MGAT4C: variants seen among roughly 807,000 people sequenced by gnomAD.
MGAT4C encodes MGAT4 family member C, also known as alpha-1,3-mannosyl-glycoprotein 4-beta-N-acetylglucosaminyltransferase C.
Under a neutral mutation model 40.1 loss-of-function variants are expected in MGAT4C, and 19 were observed. The observed-to-expected ratio is 0.47, with a 90% confidence interval of 0.33 to 0.70. The LOEUF (loss-of-function observed/expected upper bound fraction) is 0.70, where lower values mean the gene tolerates loss of function less well. MGAT4C is among the 30% of genes least tolerant of loss of function. The pLI is 0.02. For missense variants in MGAT4C, 491 were observed against 563.2 expected (o/e 0.87, Z 1.30); for synonymous variants, 181 against 187.1 (o/e 0.97, Z 0.27).
chr12:86,274,346 T>C (rs529676482), intron 4 of MGAT4C, among the ~76,000 whole-genome samples: 20 of 152,306 alleles, frequency 1.3e-4, no homozygotes, highest in African/African-American at 4.3e-4. Flanking sequence ...AAAGACACTC[T>C]AGTCTTTAAA....
intron 3 of MGAT4C, among the ~76,000 whole-genome samples, chr12:86,356,549 G>A (rs144706301): frequency 8.9e-4 from 136 of 152,210 alleles, no homozygotes; most frequent in South Asian, 5.6e-3. Context: ...AGCACAAGGC[G>A]TCTGGGAATT....
intron 2 of MGAT4C, among the ~76,000 whole-genome samples, chr12:86,558,918 A>G (rs1429587059): frequency 6.6e-6 from 1 of 152,000 alleles, no homozygotes. Flanking sequence ...ACTTAAAAAT[A>G]TAAACAGAAT....
At chr12:86,459,694 G>A (rs1260553879) in intron 2 of MGAT4C, among the ~76,000 whole-genome samples, 2 of 42,082 alleles carry the variant, frequency 4.8e-5, no homozygotes, top group East Asian at 1.4e-3. Context: ...AGCTTTACCC[G>A]CCCCGCCCCC....
chr12:86,274,826 T>G (rs1163445036), intron 4 of MGAT4C, among the ~76,000 whole-genome samples: 2 of 152,298 alleles, frequency 1.3e-5, no homozygotes, highest in Admixed American at 1.3e-4. Context: ...GAAGCAGGCT[T>G]GAAAGTCAAT....
intron 2 of MGAT4C, among the ~76,000 whole-genome samples, chr12:86,025,144 TA>T (rs1890133227): frequency 6.6e-6 from 1 of 151,714 alleles, no homozygotes; most frequent in South Asian, 2.1e-4. Context: ...ATATAATTTT[TA>T]TACCAATATT....
chr12:86,638,690 T>A (rs1044267274), intron 2 of MGAT4C, among the ~76,000 whole-genome samples: 2 of 151,828 alleles, frequency 1.3e-5, no homozygotes, highest in African/African-American at 4.8e-5. Flanking sequence ...GACTAGTGAC[T>A]GATATACAAG....
chr12:86,489,597 A>C (rs1958091991), intron 2 of MGAT4C, among the ~76,000 whole-genome samples: 1 of 152,174 alleles, frequency 6.6e-6, no homozygotes, highest in Non-Finnish European at 1.5e-5. Context: ...AGGCACCCTG[A>C]CCTGGATGCT....
intron 2 of MGAT4C, among the ~76,000 whole-genome samples, chr12:86,636,945 A>C (rs1363371086): frequency 6.6e-6 from 1 of 151,924 alleles, no homozygotes; most frequent in Non-Finnish European, 1.5e-5. Context: ...ATTTCAACAT[A>C]GTAATTTGTT....
chr12:86,735,937 A>G (rs1950979046), intron 1 of MGAT4C, among the ~76,000 whole-genome samples: 1 of 151,866 alleles, frequency 6.6e-6, no homozygotes, highest in Admixed American at 6.6e-5. Flanking sequence ...GTTTTTACCC[A>G]AAGTGGGTAA....
intron 2 of MGAT4C, among the ~76,000 whole-genome samples, chr12:86,037,018 G>C (rs1029778791): frequency 6.7e-6 from 1 of 150,052 alleles, no homozygotes; most frequent in Non-Finnish European, 1.5e-5. Flanking sequence ...TTAGTATTGG[G>C]AGGGTGTATG....
chr12:86,184,019 T>A (rs1397481716), intron 1 of MGAT4C, among the ~76,000 whole-genome samples: 1 of 152,226 alleles, frequency 6.6e-6, no homozygotes, highest in Non-Finnish European at 1.5e-5. Flanking sequence ...GTATTCCATG[T>A]GTATATTCAT....
At chr12:86,575,161 T>C (rs1366626479) in intron 2 of MGAT4C, among the ~76,000 whole-genome samples, 2 of 151,778 alleles carry the variant, frequency 1.3e-5, no homozygotes, top group Non-Finnish European at 3.0e-5. Context: ...TTAGCTTCCT[T>C]GCCCTTCTTC....
intron 2 of MGAT4C, among the ~76,000 whole-genome samples, chr12:86,607,251 A>G (rs2136469165): frequency 6.6e-6 from 1 of 152,156 alleles, no homozygotes; most frequent in South Asian, 2.1e-4. Context: ...AGAAACTAAT[A>G]TTTTAAAACT....
At chr12:86,628,793 T>C (rs1008376729) in intron 2 of MGAT4C, among the ~76,000 whole-genome samples, 1 of 152,062 alleles carries the variant, frequency 6.6e-6, no homozygotes, top group African/African-American at 2.4e-5. Context: ...TGCAAAAACA[T>C]GCCAAATTGT....
At chr12:86,470,251 G>T (rs955099738) in intron 2 of MGAT4C, among the ~76,000 whole-genome samples, 1 of 152,144 alleles carries the variant, frequency 6.6e-6, no homozygotes, top group Non-Finnish European at 1.5e-5. Context: ...GTGAAGAAAA[G>T]AAGTCTTCCA....
chr12:86,721,305 T>A (rs1046391010), intron 2 of MGAT4C, among the ~76,000 whole-genome samples: 4 of 151,946 alleles, frequency 2.6e-5, no homozygotes, highest in African/African-American at 9.7e-5. Flanking sequence ...TAGTCAAGGC[T>A]TGGGTGCATT....
chr12:86,053,475 A>G (rs1893088432), intron 1 of MGAT4C, among the ~76,000 whole-genome samples: 1 of 151,906 alleles, frequency 6.6e-6, no homozygotes, highest in Admixed American at 6.6e-5. Context: ...CCCCCTTTCC[A>G]AGACATAAAC....
chr12:86,394,928 T>C (rs1956230315), intron 3 of MGAT4C, among the ~76,000 whole-genome samples: 1 of 152,008 alleles, frequency 6.6e-6, no homozygotes, highest in African/African-American at 2.4e-5. Context: ...ATTATGTTTT[T>C]TTGAGGAATA....
At chr12:86,400,830 T>G (rs989237615) in intron 3 of MGAT4C, among the ~76,000 whole-genome samples, 1 of 152,192 alleles carries the variant, frequency 6.6e-6, no homozygotes, top group African/African-American at 2.4e-5. Context: ...AGGATTTTTC[T>G]TAAACTGCAT....
Sources: allele counts gnomAD v4.1 joint callset (sites outside exome capture counted in the v4.1 genomes callset), GRCh38; gene constraint gnomAD v4.1.1; transcripts MANE v1.5; gene names NCBI Gene and HGNC (gene_info 2026-07-23, HGNC 2026-07-21).